The following C1GALT1 variants were observed in gnomAD, a reference collection of about 807,000 sequenced individuals.
C1GALT1 encodes the protein glycoprotein-N-acetylgalactosamine 3-beta-galactosyltransferase 1.
Under a neutral mutation model 31.0 loss-of-function variants are expected in C1GALT1, and 11 were observed. The ratio of observed to expected loss-of-function variants is 0.36; its 90% CI spans 0.22 to 0.59. The LOEUF (loss-of-function observed/expected upper bound fraction) is 0.59. Among genes scored for constraint, C1GALT1 ranks in the 20% least tolerant of loss-of-function variants. The pLI, the probability that C1GALT1 is intolerant of heterozygous loss-of-function variation, is 0.79. For missense variants in C1GALT1, 424 were observed against 425.2 expected (o/e 1.00, Z 0.03); for synonymous variants, 175 against 143.6 (o/e 1.22, Z -1.56).
intron 2 of C1GALT1, among the ~76,000 whole-genome samples, chr7:7,236,634 G>T (rs1384019482): frequency 6.6e-6 from 1 of 152,076 alleles, no homozygotes; most frequent in East Asian, 1.9e-4. Context: ...CAATTCTCCT[G>T]CCTTAGCCTC....
At chr7:7,220,772 G>A (rs559685566) in intron 1 of C1GALT1, among the ~76,000 whole-genome samples, 246 of 152,144 alleles carry the variant, frequency 1.6e-3, no homozygotes, top group African/African-American at 5.7e-3. Flanking sequence ...TGCTGGCCTC[G>A]GCCTCCCAAA....
upstream of C1GALT1, among the ~76,000 whole-genome samples, chr7:7,180,133 T>C (rs1246288826): frequency 2.0e-5 from 3 of 152,246 alleles, no homozygotes; most frequent in African/African-American, 7.2e-5. Flanking sequence ...AGTTTTGACA[T>C]GCATTATTAA....
chr7:7,179,911 T>C (rs192745221), upstream of C1GALT1, among the ~76,000 whole-genome samples: 329 of 151,760 alleles, frequency 2.2e-3, 1 homozygote, highest in Non-Finnish European at 3.4e-3. Context: ...TAAAGCGATA[T>C]TTCTTCCATA....
chr7:7,207,039 A>AT (rs994198737), intron 1 of C1GALT1, among the ~76,000 whole-genome samples: 33 of 152,094 alleles, frequency 2.2e-4, no homozygotes, highest in African/African-American at 7.7e-4. Context: ...TTCTTCAAAC[A>AT]TTTTTTCTCT....
intron 1 of C1GALT1, among the ~76,000 whole-genome samples, chr7:7,217,197 C>T (rs12702594): frequency 0.25 from 38,090 of 151,966 alleles, 5,425 homozygotes; most frequent in East Asian, 0.52. Flanking sequence ...CTCATGCTGG[C>T]TTAGATAAAA....
At chr7:7,219,011 T>C (rs568793106) in intron 1 of C1GALT1, among the ~76,000 whole-genome samples, 1 of 151,260 alleles carries the variant, frequency 6.6e-6, no homozygotes, top group African/African-American at 2.4e-5. Flanking sequence ...TTTTTTGTAT[T>C]TTTTTTTAGC....
chr7:7,176,748 C>T (rs1016250171), intron 2 of C1GALT1, among the ~76,000 whole-genome samples: 4 of 152,180 alleles, frequency 2.6e-5, no homozygotes, highest in South Asian at 2.1e-4. Flanking sequence ...CAGAAAACAA[C>T]ACCAGCCATT....
At chr7:7,216,411 TC>T in intron 1 of C1GALT1, among the ~76,000 whole-genome samples, 1 of 152,170 alleles carries the variant, frequency 6.6e-6, no homozygotes, top group Non-Finnish European at 1.5e-5. Flanking sequence ...GCTAACCACA[TC>T]TACCCAAGCA....
chr7:7,227,351 C>G (rs1782812729), intron 1 of C1GALT1, among the ~76,000 whole-genome samples: 1 of 152,140 alleles, frequency 6.6e-6, no homozygotes, highest in Non-Finnish European at 1.5e-5. Context: ...GACCTCTGCC[C>G]TCATGAATGG....
At chr7:7,228,441 A>G (rs1782900502) in intron 1 of C1GALT1, among the ~76,000 whole-genome samples, 1 of 152,160 alleles carries the variant, frequency 6.6e-6, no homozygotes, top group African/African-American at 2.4e-5. Flanking sequence ...CACCCAATTC[A>G]AAGAAATAGT....
intron 1 of C1GALT1, among the ~76,000 whole-genome samples, chr7:7,189,330 T>A (rs943745909): frequency 1.2e-4 from 18 of 152,148 alleles, no homozygotes; most frequent in Admixed American, 1.0e-3. Context: ...AGTTAAAAAT[T>A]TAAAAAGATG....
intron 1 of C1GALT1, among the ~76,000 whole-genome samples, chr7:7,200,357 T>C (rs528002390): frequency 6.6e-6 from 1 of 152,332 alleles, no homozygotes; most frequent in African/African-American, 2.4e-5. Flanking sequence ...TTAAGAATGT[T>C]GTATATTGGC....
chr7:7,221,503 G>C (rs1340046636), intron 1 of C1GALT1, among the ~76,000 whole-genome samples: 1 of 152,070 alleles, frequency 6.6e-6, no homozygotes, highest in Non-Finnish European at 1.5e-5. Context: ...TCTTATCAGA[G>C]CCATTCCTTA....
At chr7:7,166,139 C>A (rs1420203240) in intron 2 of C1GALT1, among the ~76,000 whole-genome samples, 1 of 152,092 alleles carries the variant, frequency 6.6e-6, no homozygotes, top group Non-Finnish European at 1.5e-5. Flanking sequence ...GCCATTTTAT[C>A]ATGAGAAAAA....
chr7:7,235,744 T>G (rs945217987), intron 2 of C1GALT1, among the ~76,000 whole-genome samples: 1 of 152,222 alleles, frequency 6.6e-6, no homozygotes, highest in Non-Finnish European at 1.5e-5. Flanking sequence ...CTCCTAGAAG[T>G]TGCTCTTCCT....
At position 7,206,926 on chromosome 7, in the gene C1GALT1, T is replaced by C. The variant is rs141263544; in HGVS notation, c.-18+24106T>C. On this transcript the variant is annotated intron_variant, in intron 1 of 3. Coordinates refer to ENST00000436587, the MANE Select transcript of C1GALT1 (RefSeq NM_020156.5). ...TCTTAGTGGTTTCATTATAATATAT[T>C]TTGCTGTGAGTCTCCTTGAAGTCAT... 6.6e-4 allele frequency among the ~76,000 whole-genome samples: 100 copies of C among 152,340 alleles called. 1 individual carries two copies. In the East Asian group the frequency reaches 0.018, roughly 27 times the overall value.
chr7:7,183,116 C>T (rs1780657290), intron 1 of C1GALT1, among the ~76,000 whole-genome samples: 2 of 152,102 alleles, frequency 1.3e-5, no homozygotes, highest in African/African-American at 4.8e-5. Flanking sequence ...TGTGCCCGCT[C>T]GCGCCCCTCT....
intron 1 of C1GALT1, among the ~76,000 whole-genome samples, chr7:7,207,988 T>G (rs1009717647): frequency 2.0e-5 from 3 of 152,194 alleles, no homozygotes; most frequent in Non-Finnish European, 4.4e-5. Flanking sequence ...ATGGAAAACT[T>G]CAGAAATAAA....
At chr7:7,188,015 A>G (rs1411999307) in intron 1 of C1GALT1, among the ~76,000 whole-genome samples, 1 of 151,970 alleles carries the variant, frequency 6.6e-6, no homozygotes, top group Non-Finnish European at 1.5e-5. Flanking sequence ...GTGACGGGGT[A>G]TGAGTTAAAG....
Sources: gnomAD v4.1 joint callset for allele counts (sites outside exome capture counted in the v4.1 genomes callset) on GRCh38, gnomAD v4.1.1 for gene constraint, MANE v1.5 for transcripts, NCBI Gene and HGNC (gene_info 2026-07-23, HGNC 2026-07-21) for gene names.